NRG2: variants seen among roughly 807,000 people sequenced by gnomAD.
NRG2 encodes the protein neuregulin 2, also known as pro-neuregulin-2, membrane-bound isoform.
A neutral mutation model predicts 73.9 loss-of-function variants in NRG2; 27 were observed. The ratio of observed to expected loss-of-function variants is 0.37; its 90% CI spans 0.27 to 0.50. The LOEUF is 0.50. Ranked by LOEUF, NRG2 falls within the 20% of genes least tolerant of loss-of-function variation. NRG2 has a pLI of 0.96. For synonymous variants in NRG2, 532 were observed against 541.0 expected (o/e 0.98, Z 0.23); for missense variants, 1,126 against 1,210.1 (o/e 0.93, Z 1.03).
At position 140,043,203 on chromosome 5, in the gene NRG2, C is replaced by A; in HGVS notation, c.-134G>T. ...CTCCACCGGCAGCCCGGGGAGGTGG[C>A]CCAGCTAGGGCAGGGGGCAGGCGGC... On this transcript the variant is annotated 5_prime_UTR_variant, in exon 1 of 10. Transcript: ENST00000361474. The surrounding 1 kb of genome is among the most constrained non-coding windows in gnomAD (Gnocchi z 6.7). 9.6e-7 allele frequency: 1 copy of A among 1,039,260 alleles called. No homozygotes were observed. The highest frequency in any genetic ancestry group is 1.3e-6 in the Non-Finnish European group (1 of 747,736). The allele number at this position is 1,039,260 out of a possible 1,614,324, so 64.4% of individuals were successfully genotyped here.
chr5:139,886,772 C>T (rs1211450914), intron 2 of NRG2, among the ~76,000 whole-genome samples: 2 of 152,172 alleles, frequency 1.3e-5, no homozygotes, highest in African/African-American at 2.4e-5. Flanking sequence ...GATTCACTTC[C>T]CTGGAGCACT....
intron 1 of NRG2, among the ~76,000 whole-genome samples, chr5:139,934,952 G>A (rs1258935624): frequency 5.9e-5 from 9 of 152,166 alleles, no homozygotes; most frequent in Admixed American, 5.9e-4. Flanking sequence ...ATCACCTGAG[G>A]TCAGGAGTTC....
chr5:139,848,809 G>A, intron 9 of NRG2, 112 bp from the exon 10 acceptor site: 1 of 953,512 alleles, frequency 1.0e-6, no homozygotes, highest in Non-Finnish European at 1.5e-6. Flanking sequence ...CCTTAACCTT[G>A]CCCGAGACCC....
At chr5:140,022,371 G>C (rs1760311626) in intron 1 of NRG2, among the ~76,000 whole-genome samples, 1 of 152,092 alleles carries the variant, frequency 6.6e-6, no homozygotes, top group African/African-American at 2.4e-5. Context: ...ATGTGCTACT[G>C]TTTCTTATAG....
Position 140,042,652 on chromosome 5 carries a change from G to A in NRG2, c.418C>T (p.Pro140Ser), listed in dbSNP as rs747750724. Residue 140 changes from proline (P) to serine (S), a missense_variant, in exon 1 of 10, where the codon CCA (proline) becomes TCA (serine). Coordinates refer to ENST00000361474, the MANE Select transcript of NRG2 (RefSeq NM_004883.3). ...CTGTTGGAGCTGGAGCCGCCGGCTG[G>A]GACCAGCCCCTGTACCTTGCCCTCC... The part of the protein sequence containing the change: ...VVEGKVQGLV[P>S]AGGSSSNSTR... The A allele has an allele frequency of 6.3e-7, 1 of 1,598,432 alleles. No homozygotes were observed. The highest frequency in any genetic ancestry group is 1.1e-5 in the South Asian group (1 of 89,136).
At chr5:139,878,438 G>T (rs1763320274) in intron 3 of NRG2, among the ~76,000 whole-genome samples, 1 of 151,946 alleles carries the variant, frequency 6.6e-6, no homozygotes, top group South Asian at 2.1e-4. Flanking sequence ...ACCTGTCTGA[G>T]ACCATGGCCT....
At chr5:139,992,541 T>C (rs1439452110) in intron 1 of NRG2, among the ~76,000 whole-genome samples, 2 of 152,220 alleles carry the variant, frequency 1.3e-5, no homozygotes, top group Non-Finnish European at 2.9e-5. Context: ...AAGTGACTGC[T>C]TCTAACACTA....
In NRG2 at chr5:139,848,577, C is replaced by G. The variant is rs1354097346; in HGVS notation, c.1893G>C (p.Leu631=). 8 of 1,555,846 alleles carry G rather than the reference C, an allele frequency of 5.1e-6. No homozygotes were observed. The highest frequency in any genetic ancestry group is 6.9e-6 in the Non-Finnish European group (8 of 1,162,396). Residue 631 remains leucine, a synonymous_variant, in exon 10 of 10, where the codon CTG becomes CTC. Transcript: ENST00000361474. Reference sequence around the variant, plus strand: ...GGTAACTGATGGGCGCCGCCGGCGGCAGCGACACGGCGTGCGCCGAGTTGG... The same window carrying G: ...GGTAACTGATGGGCGCCGCCGGCGGGAGCGACACGGCGTGCGCCGAGTTGG... ...TSPNSAHAVS[L]PPAAPISYRL...
intron 5 of NRG2, among the ~76,000 whole-genome samples, chr5:139,860,523 G>A (rs1032264864): frequency 2.6e-5 from 4 of 152,082 alleles, no homozygotes; most frequent in Non-Finnish European, 5.9e-5. Context: ...AGAGGAAGAG[G>A]ATGAGGCTCC....
intron 1 of NRG2, among the ~76,000 whole-genome samples, chr5:139,908,856 C>T (rs1765414140): frequency 6.6e-6 from 1 of 152,232 alleles, no homozygotes. Context: ...CTCCCACTTC[C>T]CCAGCCTCCC....
At chr5:139,935,316 G>A (rs1752766856) in intron 1 of NRG2, among the ~76,000 whole-genome samples, 1 of 152,186 alleles carries the variant, frequency 6.6e-6, no homozygotes. Context: ...GATACAATAA[G>A]TGGACAAAAT....
rs149924764 is a variant in NRG2, at chr5:139,871,795, G to C, written c.1038C>G (p.Asn346Lys). 1.2e-6 allele frequency: 2 copies of C among 1,614,134 alleles called. No individual in the cohort carries two copies. Among genetic ancestry groups the C allele is most frequent in the Non-Finnish European group, 1.7e-6 (2 of 1,180,008 alleles). The change falls in exon 4 of 10, where the codon AAC becomes AAG. Residue 346 changes from asparagine to lysine, a missense_variant. Coordinates refer to ENST00000361474, the MANE Select transcript of NRG2 (RefSeq NM_004883.3). Reference sequence around the variant, plus strand: ...TGACGCAATAGGACTTGGCTGTCTCGTTGCACTTCCGGGCGTGCCCCGACC... The same window carrying C: ...TGACGCAATAGGACTTGGCTGTCTCCTTGCACTTCCGGGCGTGCCCCGACC... ...SSWSGHARKC[N>K]ETAKSYCVNG...
chr5:140,011,429 C>T (rs1260687928), intron 1 of NRG2, among the ~76,000 whole-genome samples: 1 of 152,208 alleles, frequency 6.6e-6, no homozygotes, highest in Non-Finnish European at 1.5e-5. Flanking sequence ...GACCTACTGA[C>T]TCACTTAGAA....
chr5:139,903,475 AG>A (rs1359738334), intron 1 of NRG2, among the ~76,000 whole-genome samples: 1 of 152,194 alleles, frequency 6.6e-6, no homozygotes, highest in African/African-American at 2.4e-5. Flanking sequence ...CCGAGAATCC[AG>A]GGTTTCCCCA....
chr5:140,040,764 A>G (rs576415142), intron 1 of NRG2, among the ~76,000 whole-genome samples: 1 of 152,326 alleles, frequency 6.6e-6, no homozygotes, highest in South Asian at 2.1e-4. Flanking sequence ...AATACTCCCC[A>G]AGTATCAAAA....
intron 1 of NRG2, among the ~76,000 whole-genome samples, chr5:139,955,206 C>T (rs934364572): frequency 9.2e-5 from 14 of 152,220 alleles, no homozygotes; most frequent in African/African-American, 2.9e-4. Context: ...TACACTTCAA[C>T]GCCATCAAGG....
intron 1 of NRG2, among the ~76,000 whole-genome samples, chr5:139,958,897 A>T (rs1462314544): frequency 6.6e-6 from 1 of 152,214 alleles, no homozygotes; most frequent in Non-Finnish European, 1.5e-5. Context: ...TAACTTCCTC[A>T]TTCCACAGAT....
intron 1 of NRG2, among the ~76,000 whole-genome samples, chr5:139,975,801 T>C (rs1215840134): frequency 6.6e-6 from 1 of 152,234 alleles, no homozygotes; most frequent in Non-Finnish European, 1.5e-5. Flanking sequence ...ACTGTCTGTA[T>C]CCTGGGGCTG....
At chr5:139,989,119 A>C (rs1303054650) in intron 1 of NRG2, among the ~76,000 whole-genome samples, 1 of 152,054 alleles carries the variant, frequency 6.6e-6, no homozygotes, top group East Asian at 1.9e-4. Flanking sequence ...CAGACTGTTA[A>C]ATTATGGAAG....
Sources: allele counts gnomAD v4.1 joint callset (sites outside exome capture counted in the v4.1 genomes callset), GRCh38; gene constraint gnomAD v4.1.1; non-coding constraint Gnocchi (gnomAD v3.1); transcripts MANE v1.5; gene names NCBI Gene and HGNC (gene_info 2026-07-23, HGNC 2026-07-21).